VCPIP1: variants seen among roughly 807,000 people sequenced by gnomAD.
VCPIP1 encodes valosin containing protein interacting protein 1.
VCPIP1 carries 8 observed loss-of-function variants against 85.0 expected under a neutral mutation model. That is an observed-to-expected ratio of 0.09 (90% CI 0.06 to 0.17). VCPIP1 has a LOEUF of 0.17. VCPIP1 is among the 10% of genes least tolerant of loss of function. The pLI, the probability that VCPIP1 is intolerant of heterozygous loss-of-function variation, is 1.00. For synonymous variants in VCPIP1, 543 were observed against 544.5 expected, an observed-to-expected ratio of 1.00 and a Z score of 0.04; for missense variants, 1,070 against 1,486.3, an observed-to-expected ratio of 0.72 and a Z score of 4.61.
Position 66,664,659 on chromosome 8 carries a change from T to A in VCPIP1, c.2300A>T (p.Tyr767Phe), listed in dbSNP as rs1357868432. 6.2e-7 allele frequency: 1 copy of A among 1,613,556 alleles called. No individual in the cohort carries two copies. Among genetic ancestry groups the A allele is most frequent in the Non-Finnish European group, 8.5e-7 (1 of 1,179,732 alleles). The change falls in exon 1 of 3, where the codon TAT (tyrosine) becomes TTT (phenylalanine). Residue 767 changes from tyrosine (Y) to phenylalanine (F), a missense_variant. Tyr to Phe is a conservative substitution (Grantham distance 22). This residue lies in a region of VCPIP1 where 278 missense variants were observed against 298.5 expected (regional missense o/e 0.93). Coordinates refer to ENST00000310421, the MANE Select transcript of VCPIP1 (RefSeq NM_025054.5). ...SAPATPTKAP[Y>F]SPTTSKEKKI... is the part of the protein sequence containing the mutation. ...CTTCTCCTTAGAAGTTGTCGGTGAA[T>A]AGGGAGCCTTGGTAGGTGTAGCAGG... is the stretch of plus-strand genomic sequence containing the variant.
rs1232541353 is a variant in VCPIP1 at position 66,634,935 on chromosome 8, T to C, written c.3235A>G (p.Ser1079Gly). 1 of 1,613,522 alleles carries C rather than the reference T, an allele frequency of 6.2e-7. No individual in the cohort carries two copies. The highest frequency in any genetic ancestry group is 8.5e-7 in the Non-Finnish European group (1 of 1,179,676). Residue 1079 changes from serine to glycine, a missense_variant, in exon 3 of 3, where the codon AGT (serine) becomes GGT (glycine). Ser to Gly is a moderately conservative substitution (Grantham distance 56). Transcript: ENST00000310421. ...CCAGGAGCTATTCGAATAAGCTCAC[T>C]ATTACTAGAAGAAGCTGTGAATACA... ...PSVFTASSSN[S>G]ELIRIAPGVV...
At chr8:66,641,616 C>T (rs75905082) in intron 2 of VCPIP1, among the ~76,000 whole-genome samples, 4,007 of 152,288 alleles carry the variant, frequency 0.026, 188 homozygotes, top group African/African-American at 0.09. Flanking sequence ...ATTCCCTCTA[C>T]CTCATTCCCA....
rs1810811609 is a variant in VCPIP1 at position 66,629,390 on chromosome 8, A to T, written c.*5111T>A. 1 of 152,226 alleles carries T rather than the reference A, an allele frequency of 6.6e-6. No homozygotes were observed. The highest frequency in any genetic ancestry group is 1.5e-5 in the Non-Finnish European group (1 of 68,040). The allele number at this position is 152,226 out of a possible 1,614,324, so 9.4% of individuals were successfully genotyped here. A position where few individuals can be genotyped will look rare whatever the true frequency, so the allele number is the denominator to read the frequency against. On this transcript the variant is annotated 3_prime_UTR_variant, in exon 3 of 3. Transcript: ENST00000310421. Reference sequence around the variant, plus strand: ...TTGGAAGTAAACGTGTTGACTGCTAAGCTACACAAACGTTATTTAGTACTA... The same window carrying T: ...TTGGAAGTAAACGTGTTGACTGCTATGCTACACAAACGTTATTTAGTACTA...
At chr8:66,639,918 AAG>A (rs1223282545) in intron 2 of VCPIP1, among the ~76,000 whole-genome samples, 2 of 152,022 alleles carry the variant, frequency 1.3e-5, no homozygotes, top group African/African-American at 2.4e-5. Context: ...TATGGACACA[AAG>A]AGGGGAACAA....
At chr8:66,635,966 T>C (rs950908644) in intron 2 of VCPIP1, among the ~76,000 whole-genome samples, 7 of 139,678 alleles carry the variant, frequency 5.0e-5, no homozygotes, top group African/African-American at 1.9e-4. Context: ...CAGTGGCTCA[T>C]GCATATAATC....
At chr8:66,641,619 C>T (rs973422267) in intron 2 of VCPIP1, among the ~76,000 whole-genome samples, 28 of 152,334 alleles carry the variant, frequency 1.8e-4, no homozygotes, top group African/African-American at 5.3e-4. Context: ...CCCTCTACCT[C>T]ATTCCCAGCC....
chr8:66,666,887 C>T lies in VCPIP1; in HGVS notation c.72G>A (p.Pro24=). 6.2e-7 allele frequency: 1 copy of T among 1,612,542 alleles called. No homozygotes were observed. ...PPPPPEAPQT[P]SSLASAAASG... ...AAGCAGCCGCCGACGCCAAGGACGA[C>T]GGAGTCTGTGGAGCCTCAGGGGGAG... Residue 24 remains proline, a synonymous_variant, in exon 1 of 3, where the codon CCG becomes CCA. Transcript: ENST00000310421. This position sits in a 1 kb window ranked among gnomAD's most constrained non-coding sequence, Gnocchi z 6.3.
chr8:66,651,792 C>A (rs918118941), intron 1 of VCPIP1, among the ~76,000 whole-genome samples: 13 of 152,094 alleles, frequency 8.5e-5, no homozygotes, highest in Non-Finnish European at 1.8e-4. Context: ...TGTCTCAAGA[C>A]CATGTGGCTT....
chr8:66,638,580 C>A (rs1220855551), intron 2 of VCPIP1, among the ~76,000 whole-genome samples: 1 of 151,162 alleles, frequency 6.6e-6, no homozygotes, highest in East Asian at 1.9e-4. Flanking sequence ...CAGATCAAGA[C>A]CATCCTGGCT....
Position 66,633,009 on chromosome 8 carries a change from AGTTT to A in VCPIP1, c.*1488_*1491del, listed in dbSNP as rs917662960. ...ATTCTTTCCTTATTTAAAATAGAGT[AGTTT>A]GTTTAAGAAGTGGATTCAGTTAGAG... On this transcript the variant is annotated 3_prime_UTR_variant, in exon 3 of 3. Transcript: ENST00000310421. 6 of 152,148 alleles carry A rather than the reference AGTTT, an allele frequency of 3.9e-5. No homozygotes were observed. The highest frequency in any genetic ancestry group is 5.9e-5 in the Non-Finnish European group (4 of 67,950). The allele number at this position is 152,148 out of a possible 1,614,324, so 9.4% of individuals were successfully genotyped here. A position where few individuals can be genotyped will look rare whatever the true frequency, so the allele number is the denominator to read the frequency against.
chr8:66,638,811 G>T (rs2130149047), intron 2 of VCPIP1, among the ~76,000 whole-genome samples: 1 of 151,998 alleles, frequency 6.6e-6, no homozygotes, highest in South Asian at 2.1e-4. Flanking sequence ...AATCATAGAA[G>T]AAGGTATACA....
chr8:66,654,676 T>C (rs967202943), intron 1 of VCPIP1, among the ~76,000 whole-genome samples: 1 of 152,186 alleles, frequency 6.6e-6, no homozygotes, highest in Non-Finnish European at 1.5e-5. Flanking sequence ...TTTTGACACT[T>C]TGCACAAGTC....
intron 1 of VCPIP1, among the ~76,000 whole-genome samples, chr8:66,655,452 A>G (rs982336008): frequency 6.6e-6 from 1 of 152,232 alleles, no homozygotes; most frequent in Non-Finnish European, 1.5e-5. Flanking sequence ...ACCAGAAACA[A>G]AAGCTAAGAA....
rs1353986909 is a variant in VCPIP1, at chr8:66,634,660, C to T, written c.3510G>A (p.Leu1170=). ...CACAGCCATCAGTTGTTTCTGTATT[C>T]AAATTTTCAGTACCACCAGTTAAAG... ...SFPLTGGTEN[L]NTETTDGCVA... Residue 1170 remains leucine (L), a synonymous_variant, in exon 3 of 3, where the codon TTG becomes TTA. Coordinates refer to ENST00000310421, the MANE Select transcript of VCPIP1 (RefSeq NM_025054.5). 1 of 1,614,040 alleles carries T rather than the reference C, an allele frequency of 6.2e-7. No individual in the cohort carries two copies. Among genetic ancestry groups the T allele is most frequent in the Non-Finnish European group, 8.5e-7 (1 of 1,180,038 alleles).
chr8:66,665,118 C>T lies in VCPIP1; in HGVS notation c.1841G>A (p.Ser614Asn), dbSNP rs199921423. The change falls in exon 1 of 3, where the codon AGT becomes AAT. Residue 614 changes from serine (S) to asparagine (N), a missense_variant. By Grantham distance (46) the Ser-to-Asn change is conservative. Transcript: ENST00000310421. The surrounding 1 kb of genome is among the most constrained non-coding windows in gnomAD (Gnocchi z 4.3). ...AACATTACTATTCAAAGATGAATCA[C>T]TTTCATACTGGAACCAATATACTGT... ...RETVYWFQYESDSSLNSNVYD... is the reference protein window; with the variant it reads ...RETVYWFQYENDSSLNSNVYD... 575 of 1,612,986 alleles carry T rather than the reference C, an allele frequency of 3.6e-4. 1 individual carries two copies. Among genetic ancestry groups the T allele is most frequent in the South Asian group, 7.3e-4 (66 of 90,976 alleles).
chr8:66,649,113 T>A (rs778809677), intron 2 of VCPIP1, among the ~76,000 whole-genome samples: 24 of 152,068 alleles, frequency 1.6e-4, no homozygotes, highest in South Asian at 4.1e-4. Context: ...GAGGCTGCAG[T>A]GAGTCACGAT....
At position 66,665,330 on chromosome 8, in the gene VCPIP1, G is replaced by C. The variant is rs867571682; in HGVS notation, c.1629C>G (p.Gly543=). ...CTCCTCTGACCTTTCGCACAGATGT[G>C]CCATGGCACCAATTACAAGCTGTTA... ...SNLTACNWCH[G]TSVRKVRGDG... Residue 543 remains glycine (G), a synonymous_variant, in exon 1 of 3, where the codon GGC becomes GGG. Coordinates refer to ENST00000310421, the MANE Select transcript of VCPIP1 (RefSeq NM_025054.5). This position sits in a 1 kb window ranked among gnomAD's most constrained non-coding sequence, Gnocchi z 4.3. The C allele has an allele frequency of 8.1e-6, 13 of 1,613,812 alleles. No homozygotes were observed. In the Middle Eastern group the frequency reaches 1.5e-3, roughly 184 times the overall value.
At chr8:66,638,970 C>CTCTCTCTCTATATATA in intron 2 of VCPIP1, among the ~76,000 whole-genome samples, 7 of 118,436 alleles carry the variant, frequency 5.9e-5, no homozygotes, top group African/African-American at 2.3e-4. Context: ...CTCTCTCTCT[C>CTCTCTCTCTATATATA]TATATATATA....
rs1810806085 is a variant in VCPIP1 at position 66,628,866 on chromosome 8, G to A, written c.*5635C>T. 1 of 152,198 alleles carries A rather than the reference G, an allele frequency of 6.6e-6. No individual in the cohort carries two copies. Among genetic ancestry groups the A allele is most frequent in the African/African-American group, 2.4e-5 (1 of 41,434 alleles). The allele number at this position is 152,198 out of a possible 1,614,324, so 9.4% of individuals were successfully genotyped here. A position where few individuals can be genotyped will look rare whatever the true frequency, so the allele number is the denominator to read the frequency against. ...AAGGTTGACAATTGTGAAACCACAA[G>A]GTTACAGAAGAAATTGAGGCCTTGA... On this transcript the variant is annotated 3_prime_UTR_variant, in exon 3 of 3. Coordinates refer to ENST00000310421, the MANE Select transcript of VCPIP1 (RefSeq NM_025054.5).
Sources: gnomAD v4.1 joint callset for allele counts (sites outside exome capture counted in the v4.1 genomes callset) on GRCh38, gnomAD v4.1.1 for gene constraint, gnomAD v4.1.1 regional missense constraint, Gnocchi (gnomAD v3.1) non-coding constraint, MANE v1.5 for transcripts, NCBI Gene and HGNC (gene_info 2026-07-23, HGNC 2026-07-21) for gene names.